TMEM33: variants seen among roughly 807,000 people sequenced by gnomAD.
TMEM33 encodes the protein transmembrane protein 33.
A neutral mutation model predicts 29.7 loss-of-function variants in TMEM33; 16 were observed. The ratio of observed to expected loss-of-function variants is 0.54; its 90% CI spans 0.36 to 0.82. The LOEUF (loss-of-function observed/expected upper bound fraction) is 0.82, where lower values mean the gene tolerates loss of function less well. TMEM33 is among the 40% of genes least tolerant of loss of function. The probability of loss-of-function intolerance (pLI) is 0.00; values close to 1 mark genes in which losing one functional copy is unlikely to be tolerated. For synonymous variants in TMEM33, 112 were observed against 109.4 expected, an observed-to-expected ratio of 1.02 and a Z score of -0.15; for missense variants, 252 against 295.3, an observed-to-expected ratio of 0.85 and a Z score of 1.08.
chr4:41,940,046 CTTT>C (rs71650953), intron 3 of TMEM33, among the ~76,000 whole-genome samples: 9 of 81,358 alleles, frequency 1.1e-4, no homozygotes, highest in South Asian at 8.2e-4. Flanking sequence ...GTTAAACTTT[CTTT>C]TTTTTTTTTT....
chr4:41,944,280 A>T (rs1712683979), intron 4 of TMEM33: 1 of 177,900 alleles, frequency 5.6e-6, no homozygotes, highest in Admixed American at 6.2e-5. Flanking sequence ...CATTTACAGC[A>T]TATACTGAAA....
At chr4:41,941,966 A>G (rs193171683) in intron 3 of TMEM33, among the ~76,000 whole-genome samples, 33 of 152,348 alleles carry the variant, frequency 2.2e-4, no homozygotes, top group African/African-American at 7.5e-4. Flanking sequence ...TGTTAGACAT[A>G]AAAGACTCAT....
rs146524196 is a variant in TMEM33 at position 41,952,103 on chromosome 4, C to A, written c.615-1967C>A. Among the ~76,000 whole-genome samples the A allele has an allele frequency of 2.3e-3, 357 of 151,916 alleles. 3 individuals are homozygous for A. The highest frequency in any genetic ancestry group is 8.2e-3 in the African/African-American group (340 of 41,432). ...ATCCAGTGGTAAAAGGAAAAGGGGA[C>A]AAATATGAAAGGTATTAGGAGATAG... On this transcript the variant is annotated intron_variant, in intron 6 of 6. Coordinates refer to ENST00000504986, the MANE Select transcript of TMEM33 (RefSeq NM_018126.3).
upstream of TMEM33, chr4:41,935,416 G>T: frequency 2.0e-6 from 3 of 1,518,258 alleles, no homozygotes; most frequent in South Asian, 3.6e-5. Flanking sequence ...TGGCCCCAGC[G>T]CTGACGTTTT....
Position 41,957,451 on chromosome 4 carries a change from TGATGA to T in TMEM33, c.*3253_*3257del, listed in dbSNP as rs1472797778. 20 of 152,132 alleles carry T rather than the reference TGATGA, an allele frequency of 1.3e-4. No homozygotes were observed. Among genetic ancestry groups the T allele is most frequent in the Admixed American group, 1.3e-3 (20 of 15,280 alleles). 9.4% of individuals were successfully genotyped at this position (152,132 alleles called of 1,614,324 possible). ...ATAGGTTCTTTTATAGAGCTAAGAATGATGAAACCATCAATACTTCCTTCTTCCTA... is the reference window on the plus strand; with the variant it reads ...ATAGGTTCTTTTATAGAGCTAAGAATAACCATCAATACTTCCTTCTTCCTA... On this transcript the variant is annotated 3_prime_UTR_variant, in exon 7 of 7. Transcript: ENST00000504986.
chr4:41,951,867 A>G (rs897134057), intron 6 of TMEM33, among the ~76,000 whole-genome samples: 3 of 152,214 alleles, frequency 2.0e-5, no homozygotes, highest in Non-Finnish European at 2.9e-5. Flanking sequence ...ATCTGTGTCC[A>G]CAAAGGTAGA....
chr4:41,948,151 G>C (rs949942243), intron 5 of TMEM33, among the ~76,000 whole-genome samples: 9 of 152,012 alleles, frequency 5.9e-5, no homozygotes, highest in African/African-American at 1.9e-4. Context: ...CAGTTTTTTG[G>C]GAATGATAAA....
chr4:41,945,547 A>G (rs112533993), intron 5 of TMEM33, among the ~76,000 whole-genome samples: 4,322 of 152,266 alleles, frequency 0.028, 102 homozygotes, highest in African/African-American at 0.055. Flanking sequence ...CCTCTTCCCA[A>G]AGGTGTAAGG....
rs777269409 is a variant in TMEM33 at position 41,935,514 on chromosome 4, A to T, written c.30A>T (p.Gln10His). MADTTPNGP[Q>H]GAGAVQFMMT... ...CAGATACGACCCCGAACGGCCCCCAAGGGGCGGGCGCTGTGGTAAGTGCGA... is the reference window on the plus strand; with the variant it reads ...CAGATACGACCCCGAACGGCCCCCATGGGGCGGGCGCTGTGGTAAGTGCGA... Residue 10 changes from glutamine (Q) to histidine (H), a missense_variant, in exon 1 of 7, where the codon CAA (glutamine) becomes CAT (histidine). Gln to His is a conservative substitution (Grantham distance 24, BLOSUM62 0). Coordinates refer to ENST00000504986, the MANE Select transcript of TMEM33 (RefSeq NM_018126.3). 1.2e-6 allele frequency: 2 copies of T among 1,609,184 alleles called. No homozygotes were observed. Among genetic ancestry groups the T allele is most frequent in the Non-Finnish European group, 1.7e-6 (2 of 1,177,846 alleles).
Position 41,949,362 on chromosome 4 carries a change from G to A in TMEM33, c.591G>A (p.Ser197=), listed in dbSNP as rs148218820. 5.4e-4 allele frequency: 865 copies of A among 1,609,164 alleles called. 1 individual carries two copies. Among genetic ancestry groups the A allele is most frequent in the Non-Finnish European group, 6.9e-4 (811 of 1,178,168 alleles). ...ATAGATTTCTTACCCTTCGATATTC[G>A]TCTCGAAGAAACCCATATTGTCGGT... The part of the protein sequence containing the change: ...IYYRFLTLRY[S]SRRNPYCRTL... The change falls in exon 6 of 7, where the codon TCG becomes TCA. Residue 197 remains serine, a synonymous_variant. Transcript: ENST00000504986.
At position 41,958,477 on chromosome 4, in the gene TMEM33, A is replaced by T. The variant is rs1713352466; in HGVS notation, c.*4278A>T. The T allele has an allele frequency of 1.3e-5, 2 of 152,126 alleles. No individual in the cohort carries two copies. The highest frequency in any genetic ancestry group is 6.5e-5 in the Admixed American group (1 of 15,276). The allele number at this position is 152,126 out of a possible 1,614,324, so 9.4% of individuals were successfully genotyped here. ...CATCACCGAAACACACTAATATAAA[A>T]TTATCCTTTCTCCTTCATTTTCAGA... On this transcript the variant is annotated 3_prime_UTR_variant, in exon 7 of 7. Transcript: ENST00000504986.
At chr4:41,939,025 G>C (rs892459000) in intron 2 of TMEM33, among the ~76,000 whole-genome samples, 171 bp from the exon 3 acceptor site, 1 of 151,792 alleles carries the variant, frequency 6.6e-6, no homozygotes, top group African/African-American at 2.4e-5. Flanking sequence ...AAGAAATTCA[G>C]TTGGGCATAT....
chr4:41,944,921 T>C lies in TMEM33; in HGVS notation c.525T>C (p.Leu175=). 6.2e-7 allele frequency: 1 copy of C among 1,608,954 alleles called. No homozygotes were observed. The highest frequency in any genetic ancestry group is 8.5e-7 in the Non-Finnish European group (1 of 1,178,854). Residue 175 remains leucine (L), a synonymous_variant, in exon 5 of 7, where the codon CTT becomes CTC. Transcript: ENST00000504986. ...TGATGCCTGCGACAGTTTTTATGCT[T>C]TTTAGGTAAGGAAAAATTATATTTG... ...IFLMPATVFM[L]FSGQGSLLQP...
chr4:41,949,252 A>T (rs1336085351), intron 5 of TMEM33, 50 bp from the exon 6 acceptor site: 1 of 1,314,172 alleles, frequency 7.6e-7, no homozygotes, highest in East Asian at 2.4e-5. Flanking sequence ...TTGAGAGTAT[A>T]CACATGAATT....
rs1713397141 is a variant in TMEM33, at chr4:41,959,478, T to C, written c.*5279T>C. ...CTTAGAAAACAATAGGAAAAAATTA[T>C]AGATGGATGTCTTTGCTGAAATCTA... On this transcript the variant is annotated 3_prime_UTR_variant, in exon 7 of 7. Coordinates refer to ENST00000504986, the MANE Select transcript of TMEM33 (RefSeq NM_018126.3). The C allele has an allele frequency of 6.6e-6, 1 of 152,212 alleles. No individual in the cohort carries two copies. The highest frequency in any genetic ancestry group is 6.5e-5 in the Admixed American group (1 of 15,278). The allele number at this position is 152,212 out of a possible 1,614,324, so 9.4% of individuals were successfully genotyped here. A position where few individuals can be genotyped will look rare whatever the true frequency, so the allele number is the denominator to read the frequency against.
intron 6 of TMEM33, 135 bp downstream of exon 6, chr4:41,949,520 C>A: frequency 1.4e-6 from 1 of 695,228 alleles, no homozygotes; most frequent in Non-Finnish European, 2.3e-6. Flanking sequence ...AATTTAAGTT[C>A]TAGGCCTTAG....
Position 41,946,077 on chromosome 4 carries a change from G to GT in TMEM33, c.530+1167dup, listed in dbSNP as rs756912449. ...TAATTGATTTGGCATATCCAGTTCT[G>GT]TTTTTTTTTTTTTTTTAGCCGTATA... On this transcript the variant is annotated intron_variant, in intron 5 of 6. Transcript: ENST00000504986. 4.5e-3 allele frequency among the ~76,000 whole-genome samples: 523 copies of GT among 116,166 alleles called. 2 individuals carry two copies. Among genetic ancestry groups the GT allele is most frequent in the Admixed American group, 0.01 (120 of 11,652 alleles). The allele number at this position is 116,166 out of a possible 152,430, so 76.2% of individuals were successfully genotyped here. A position where few individuals can be genotyped will look rare whatever the true frequency, so the allele number is the denominator to read the frequency against.
At chr4:41,938,467 T>A (rs1473087379) in intron 1 of TMEM33, 135 bp from the exon 2 acceptor site, 12 of 770,808 alleles carry the variant, frequency 1.6e-5, no homozygotes. Context: ...TGCCTTAGAG[T>A]TTTCACCTAA....
rs918226515 is a variant in TMEM33 at position 41,944,855 on chromosome 4, A to G, written c.459A>G (p.Gln153=). ...TCTTGGACAAATTAAGTGCTAATCA[A>G]CAAAATATTCTGAAATTCATTGCTT... is the stretch of plus-strand genomic sequence containing the variant. The part of the protein sequence containing the change: ...RSVLDKLSAN[Q]QNILKFIACN... The change falls in exon 5 of 7, where the codon CAA becomes CAG. Residue 153 remains glutamine, a synonymous_variant. Coordinates refer to ENST00000504986, the MANE Select transcript of TMEM33 (RefSeq NM_018126.3). 3.1e-6 allele frequency: 5 copies of G among 1,613,502 alleles called. No homozygotes were observed. The highest frequency in any genetic ancestry group is 4.2e-6 in the Non-Finnish European group (5 of 1,179,832).
Sources: gnomAD v4.1 joint callset for allele counts (sites outside exome capture counted in the v4.1 genomes callset) on GRCh38, gnomAD v4.1.1 for gene constraint, MANE v1.5 for transcripts, NCBI Gene and HGNC (gene_info 2026-07-23, HGNC 2026-07-21) for gene names.